The following PPARGC1A variants were observed in gnomAD, a reference collection of about 807,000 sequenced individuals.
The protein encoded by PPARGC1A is peroxisome proliferator-activated receptor gamma coactivator 1-alpha.
In PPARGC1A, 25 loss-of-function variants were observed where a neutral mutation model predicts 88.7. The ratio of observed to expected loss-of-function variants is 0.28; its 90% CI spans 0.21 to 0.39. The LOEUF is 0.39. Ranked by LOEUF, PPARGC1A falls within the 10% of genes least tolerant of loss-of-function variation. The pLI, the probability that PPARGC1A is intolerant of heterozygous loss-of-function variation, is 1.00. For missense variants in PPARGC1A, 880 were observed against 968.7 expected (o/e 0.91, Z 1.22); for synonymous variants, 363 against 355.6 (o/e 1.02, Z -0.24).
chr4:24,095,580 G>A, the PPARGC1A span, among the ~76,000 whole-genome samples: 2 of 152,130 alleles, frequency 1.3e-5, no homozygotes, highest in Admixed American at 6.5e-5. Context: ...GACAGATTCA[G>A]GGTGATGCAT....
chr4:24,472,102 G>T, the PPARGC1A span, among the ~76,000 whole-genome samples: 1 of 152,190 alleles, frequency 6.6e-6, no homozygotes, highest in African/African-American at 2.4e-5. This position sits in a 1 kb window ranked among gnomAD's most constrained non-coding sequence, Gnocchi z 4.5. Context: ...CCTCTTTCTC[G>T]GGTTCCCGCT....
chr4:23,913,255 TATATATATATATAGAGAGAGAG>T, the PPARGC1A span, among the ~76,000 whole-genome samples: 54 of 45,526 alleles, frequency 1.2e-3, 1 homozygote, highest in African/African-American at 4.3e-3. Context: ...TATATATATA[TATATATATATATAGAGAGAGAG>T]AGAGAGAGAG....
the PPARGC1A span, among the ~76,000 whole-genome samples, chr4:24,095,212 G>T: frequency 1.3e-5 from 2 of 150,630 alleles, no homozygotes; most frequent in African/African-American, 4.9e-5. Flanking sequence ...GTGCCTCCCG[G>T]GTTCAAGCAA....
the PPARGC1A span, among the ~76,000 whole-genome samples, chr4:24,334,800 G>A: frequency 6.6e-6 from 1 of 152,172 alleles, no homozygotes; most frequent in Non-Finnish European, 1.5e-5. Context: ...CCTATGATGT[G>A]ATACATAGTT....
intron 2 of PPARGC1A, among the ~76,000 whole-genome samples, chr4:23,843,615 A>C (rs972656676): frequency 1.3e-5 from 2 of 152,110 alleles, no homozygotes; most frequent in Admixed American, 6.6e-5. Flanking sequence ...ACATGAACAA[A>C]TGGAGTGAAA....
chr4:24,394,664 A>C, the PPARGC1A span, among the ~76,000 whole-genome samples: 1 of 152,282 alleles, frequency 6.6e-6, no homozygotes, highest in South Asian at 2.1e-4. Flanking sequence ...TGTTTTCCAT[A>C]CTGCTCCGTC....
the PPARGC1A span, among the ~76,000 whole-genome samples, chr4:24,203,112 C>G: frequency 5.3e-5 from 8 of 152,218 alleles, no homozygotes; most frequent in Non-Finnish European, 8.8e-5. Flanking sequence ...TAACAGGTCA[C>G]AGCTTTTAAA....
the PPARGC1A span, among the ~76,000 whole-genome samples, chr4:24,140,336 T>G: frequency 6.6e-6 from 1 of 152,218 alleles, no homozygotes. Context: ...GCATTCGTCT[T>G]GGGTCACCTA....
chr4:23,997,383 T>C, the PPARGC1A span, among the ~76,000 whole-genome samples: 1 of 152,030 alleles, frequency 6.6e-6, no homozygotes, highest in African/African-American at 2.4e-5. Flanking sequence ...TCAGATTACC[T>C]AGGATTACAG....
chr4:24,315,734 A>G, the PPARGC1A span, among the ~76,000 whole-genome samples: 1 of 152,164 alleles, frequency 6.6e-6, no homozygotes, highest in Non-Finnish European at 1.5e-5. Context: ...AACATCCTAC[A>G]ATGGAATGCA....
chr4:24,027,671 C>T, the PPARGC1A span, among the ~76,000 whole-genome samples: 2 of 152,130 alleles, frequency 1.3e-5, no homozygotes, highest in Admixed American at 6.5e-5. Flanking sequence ...CAGTGAAATG[C>T]TGAGAGAATT....
the PPARGC1A span, among the ~76,000 whole-genome samples, chr4:24,385,795 C>T: frequency 1.3e-5 from 2 of 152,094 alleles, no homozygotes; most frequent in Non-Finnish European, 2.9e-5. Flanking sequence ...GGATTTACAG[C>T]CAAATTGTAC....
At chr4:23,903,895 T>C (rs572655660), upstream of PPARGC1A, 30 of 303,350 alleles carry the variant, frequency 9.9e-5, 1 homozygote, top group South Asian at 1.9e-3. Flanking sequence ...CACACATATA[T>C]GTATCTTTAA....
chr4:24,307,403 A>G, the PPARGC1A span, among the ~76,000 whole-genome samples: 8 of 152,216 alleles, frequency 5.3e-5, no homozygotes, highest in African/African-American at 1.4e-4. Flanking sequence ...GTATATTACT[A>G]TTATAAAGAG....
At chr4:24,278,215 A>T in the PPARGC1A span, among the ~76,000 whole-genome samples, 3 of 152,178 alleles carry the variant, frequency 2.0e-5, no homozygotes, top group South Asian at 2.1e-4. Flanking sequence ...CGAAAAATTT[A>T]AAAAAGACAA....
the PPARGC1A span, among the ~76,000 whole-genome samples, chr4:24,379,128 C>G: frequency 2.6e-5 from 4 of 152,118 alleles, no homozygotes; most frequent in Non-Finnish European, 4.4e-5. Context: ...AGAAAACTTA[C>G]ATACGCATCA....
At chr4:24,266,037 T>G in the PPARGC1A span, among the ~76,000 whole-genome samples, 1 of 152,100 alleles carries the variant, frequency 6.6e-6, no homozygotes, top group African/African-American at 2.4e-5. Flanking sequence ...TAAAAAGGCT[T>G]TGTACAAGGG....
chr4:24,154,600 T>C, the PPARGC1A span, among the ~76,000 whole-genome samples: 1 of 152,176 alleles, frequency 6.6e-6, no homozygotes, highest in Non-Finnish European at 1.5e-5. Flanking sequence ...ATTTTCCCAC[T>C]GACTTCGAGT....
the PPARGC1A span, among the ~76,000 whole-genome samples, chr4:24,157,570 G>A: frequency 1.3e-5 from 2 of 152,102 alleles, no homozygotes; most frequent in Admixed American, 1.3e-4. Flanking sequence ...TTGACCACAA[G>A]TGTCTCCCTG....
Sources: allele counts gnomAD v4.1 joint callset (sites outside exome capture counted in the v4.1 genomes callset), GRCh38; gene constraint gnomAD v4.1.1; non-coding constraint Gnocchi (gnomAD v3.1); transcripts MANE v1.5; gene names NCBI Gene and HGNC (gene_info 2026-07-23, HGNC 2026-07-21).